The following SYCP1 variants were observed in gnomAD, a reference collection of about 807,000 sequenced individuals.
SYCP1 encodes the protein synaptonemal complex protein 1, also known as cancer/testis antigen 8.
In SYCP1, 64 loss-of-function variants were observed where a neutral mutation model predicts 153.1. The ratio of observed to expected loss-of-function variants is 0.42; its 90% CI spans 0.34 to 0.51. The LOEUF is 0.51. Among genes scored for constraint, SYCP1 ranks in the 20% least tolerant of loss-of-function variants. The pLI, the probability that SYCP1 is intolerant of heterozygous loss-of-function variation, is 0.06. For synonymous variants in SYCP1, 384 were observed against 341.8 expected (o/e 1.12, Z -1.36); for missense variants, 997 against 1,049.0 (o/e 0.95, Z 0.68).
At position 114,987,112 on chromosome 1, in the gene SYCP1, A is replaced by C. The variant is rs1403924647; in HGVS notation, c.2703+2244A>C. Reference sequence around the variant, plus strand: ...TTTCCTTTTCTCTTTTTCCATCTTTACCCTTTGGGAAGCCAGGCATTTAAG... The same window carrying C: ...TTTCCTTTTCTCTTTTTCCATCTTTCCCCTTTGGGAAGCCAGGCATTTAAG... On this transcript the variant is annotated intron_variant, in intron 30 of 31. Coordinates refer to ENST00000369522, the MANE Select transcript of SYCP1 (RefSeq NM_003176.4). Among the ~76,000 whole-genome samples the C allele has an allele frequency of 4.0e-5, 6 of 149,534 alleles. No homozygotes were observed. The East Asian group carries it at 1.2e-3, about 29-fold the overall frequency.
chr1:114,944,891 T>C lies in SYCP1; in HGVS notation c.2063T>C (p.Ile688Thr). Residue 688 changes from isoleucine to threonine, a missense_variant, in exon 25 of 32, where the codon ATA becomes ACA. By Grantham distance (89) the Ile-to-Thr change is moderately conservative. Transcript: ENST00000369522. ...LLEEVEKAKV[I>T]ADEAVKLQKE... ...TGATAGGTTGAGAAAGCAAAAGTAATAGCTGATGAAGCAGTAAAATTACAG... is the reference window on the plus strand; with the variant it reads ...TGATAGGTTGAGAAAGCAAAAGTAACAGCTGATGAAGCAGTAAAATTACAG... 1 of 1,596,310 alleles carries C rather than the reference T, an allele frequency of 6.3e-7. No individual in the cohort carries two copies. The highest frequency in any genetic ancestry group is 8.5e-7 in the Non-Finnish European group (1 of 1,173,828).
intron 24 of SYCP1, 147 bp from the exon 25 acceptor site, chr1:114,944,725 A>G (rs1670586255): frequency 1.5e-6 from 1 of 668,258 alleles, no homozygotes; most frequent in Non-Finnish European, 2.5e-6. Flanking sequence ...ACCCCGAAAA[A>G]ACCCCAAACA....
At position 114,860,760 on chromosome 1, in the gene SYCP1, T is replaced by C; in HGVS notation, c.549T>C (p.Cys183=). ...IKENNATRHL[C]NLLKETCARS... ...GGAATAATGCCACAAGGCATTTATG[T>C]AATCTACTCAAAGAAACCTGTGCTA... Residue 183 remains cysteine, a synonymous_variant, in exon 8 of 32, where the codon TGT becomes TGC. Transcript: ENST00000369522. 1 of 1,597,458 alleles carries C rather than the reference T, an allele frequency of 6.3e-7. No homozygotes were observed. The highest frequency in any genetic ancestry group is 1.8e-5 in the Admixed American group (1 of 56,636).
intron 12 of SYCP1, among the ~76,000 whole-genome samples, chr1:114,878,592 G>A (rs1665698647): frequency 6.6e-6 from 1 of 152,138 alleles, no homozygotes; most frequent in African/African-American, 2.4e-5. Context: ...CACCCAGGCT[G>A]GAGTGCAGTG....
chr1:114,864,110 G>A (rs142804839), intron 8 of SYCP1, among the ~76,000 whole-genome samples: 166 of 151,034 alleles, frequency 1.1e-3, no homozygotes, highest in African/African-American at 3.8e-3. Context: ...TACACATTCT[G>A]CACATGTATC....
intron 20 of SYCP1, among the ~76,000 whole-genome samples, chr1:114,914,978 GA>G (rs1332185040): frequency 6.6e-6 from 1 of 151,602 alleles, no homozygotes; most frequent in Non-Finnish European, 1.5e-5. Flanking sequence ...ATTTTTTCAC[GA>G]GAGGCAACCT....
At chr1:114,901,051 A>G (rs1270697892) in intron 16 of SYCP1, among the ~76,000 whole-genome samples, 1 of 152,192 alleles carries the variant, frequency 6.6e-6, no homozygotes, top group East Asian at 1.9e-4. Context: ...CTTTAAGCCA[A>G]TTAATTAGAG....
In SYCP1 at chr1:114,855,425, C is replaced by T. The variant is rs1272269571; in HGVS notation, c.-24-16C>T. ...AAAAAAACTTTCCTTCCCCTCCCGC[C>T]CCCCCGGGGCAGTAGATATTTACAA... On this transcript the variant is annotated splice_polypyrimidine_tract_variant and intron_variant, in intron 1 of 31. Coordinates refer to ENST00000369522, the MANE Select transcript of SYCP1 (RefSeq NM_003176.4). 1.4e-6 allele frequency: 2 copies of T among 1,386,940 alleles called. No homozygotes were observed. The highest frequency in any genetic ancestry group is 2.6e-5 in the East Asian group (1 of 38,344). The allele number at this position is 1,386,940 out of a possible 1,614,324, so 85.9% of individuals were successfully genotyped here.
chr1:114,894,185 C>G (rs1232638711), intron 15 of SYCP1, among the ~76,000 whole-genome samples: 1 of 151,864 alleles, frequency 6.6e-6, no homozygotes, highest in Non-Finnish European at 1.5e-5. Context: ...ATAACACTTT[C>G]TAGTTAAATA....
chr1:114,955,629 C>CA (rs1671384539), intron 27 of SYCP1, among the ~76,000 whole-genome samples: 1 of 152,166 alleles, frequency 6.6e-6, no homozygotes, highest in South Asian at 2.1e-4. Flanking sequence ...CTTATCTCCT[C>CA]AAAACAACAA....
At chr1:114,869,305 G>A (rs1214205368) in intron 8 of SYCP1, among the ~76,000 whole-genome samples, 2 of 152,124 alleles carry the variant, frequency 1.3e-5, no homozygotes, top group South Asian at 2.1e-4. Flanking sequence ...GTATTTAGAA[G>A]TGTCTTGGTT....
At chr1:114,891,288 T>C (rs993030701) in intron 15 of SYCP1, among the ~76,000 whole-genome samples, 1 of 152,188 alleles carries the variant, frequency 6.6e-6, no homozygotes, top group Non-Finnish European at 1.5e-5. Context: ...AGGTCAGACG[T>C]CTTTGACCAG....
intron 29 of SYCP1, among the ~76,000 whole-genome samples, chr1:114,981,810 T>A (rs892076263): frequency 6.6e-6 from 1 of 152,020 alleles, no homozygotes; most frequent in African/African-American, 2.4e-5. Context: ...TTTCGATCAC[T>A]GTCCACAACT....
At chr1:114,963,727 T>C (rs1275577415) in intron 27 of SYCP1, among the ~76,000 whole-genome samples, 1 of 152,254 alleles carries the variant, frequency 6.6e-6, no homozygotes, top group East Asian at 1.9e-4. Context: ...GGCTGCATAG[T>C]ATTTCATGGT....
At chr1:114,908,622 A>C (rs1440263213) in intron 16 of SYCP1, among the ~76,000 whole-genome samples, 2 of 152,052 alleles carry the variant, frequency 1.3e-5, no homozygotes, top group Non-Finnish European at 2.9e-5. Flanking sequence ...CTTTCCTTGT[A>C]ATCTCCATTG....
At chr1:114,979,741 A>C (rs1673032992) in intron 28 of SYCP1, among the ~76,000 whole-genome samples, 1 of 151,844 alleles carries the variant, frequency 6.6e-6, no homozygotes, top group Non-Finnish European at 1.5e-5. Flanking sequence ...AGATCACTAG[A>C]ATTACGCAGG....
chr1:114,957,685 C>G (rs757307076), intron 27 of SYCP1, among the ~76,000 whole-genome samples: 21 of 152,164 alleles, frequency 1.4e-4, no homozygotes, highest in Non-Finnish European at 2.6e-4. Context: ...AAAACATGCT[C>G]AACATCACTA....
rs774613361 is a variant in SYCP1, at chr1:114,984,781, T to G, written c.2616T>G (p.Asn872Lys). Residue 872 changes from asparagine to lysine, a missense_variant, in exon 30 of 32, where the codon AAT becomes AAG. By Grantham distance (94) the Asn-to-Lys change is moderately conservative. This residue lies in a region of SYCP1 where 712 missense variants were observed against 682.9 expected (regional missense o/e 1.04). Coordinates refer to ENST00000369522, the MANE Select transcript of SYCP1 (RefSeq NM_003176.4). The stretch of plus-strand genomic sequence containing the variant: ...AACTACAGCAAAGAGAAAACTTGAA[T>G]ATACCCATTGAAGAAAGTAAAAAAA... The part of the protein sequence containing the change: ...KPKLQQRENL[N>K]IPIEESKKKR... The G allele has an allele frequency of 1.3e-6, 2 of 1,518,114 alleles. No homozygotes were observed. The highest frequency in any genetic ancestry group is 1.4e-5 in the South Asian group (1 of 72,652). The allele number at this position is 1,518,114 out of a possible 1,614,324, so 94.0% of individuals were successfully genotyped here.
chr1:114,911,566 G>A lies in SYCP1; in HGVS notation c.1513G>A (p.Glu505Lys). Residue 505 changes from glutamate (E) to lysine (K), a missense_variant, in exon 18 of 32, where the codon GAG becomes AAG. Glu to Lys is a moderately conservative substitution (Grantham distance 56). Transcript: ENST00000369522. ...AAAAGAGGTTAAAGATCTAAAAACTGAGCTTGAAAACGAGAAGTATGTTTT... is the reference window on the plus strand; with the variant it reads ...AAAAGAGGTTAAAGATCTAAAAACTAAGCTTGAAAACGAGAAGTATGTTTT... ...YSKEVKDLKTELENEKLKNTE... is the reference protein window; with the variant it reads ...YSKEVKDLKTKLENEKLKNTE... The A allele has an allele frequency of 6.7e-7, 1 of 1,497,512 alleles. No homozygotes were observed. Among genetic ancestry groups the A allele is most frequent in the South Asian group, 1.5e-5 (1 of 65,986 alleles). The allele number at this position is 1,497,512 out of a possible 1,614,324, so 92.8% of individuals were successfully genotyped here. A position where few individuals can be genotyped will look rare whatever the true frequency, so the allele number is the denominator to read the frequency against.
Sources: gnomAD v4.1 joint callset for allele counts (sites outside exome capture counted in the v4.1 genomes callset) on GRCh38, gnomAD v4.1.1 for gene constraint, gnomAD v4.1.1 regional missense constraint, MANE v1.5 for transcripts, NCBI Gene and HGNC (gene_info 2026-07-23, HGNC 2026-07-21) for gene names.